The following IP6K2 variants were observed in gnomAD, a reference collection of about 807,000 sequenced individuals.
IP6K2 encodes the protein ATP:1D-myo-inositol-hexakisphosphate phosphotransferase.
IP6K2 carries 9 observed loss-of-function variants against 43.3 expected under a neutral mutation model. The observed-to-expected ratio is 0.21, with a 90% CI of 0.13 to 0.36. The LOEUF (loss-of-function observed/expected upper bound fraction) is 0.36. Among genes scored for constraint, IP6K2 ranks in the 10% least tolerant of loss-of-function variants. The pLI is 1.00. For missense variants in IP6K2, 332 were observed against 538.4 expected (o/e 0.62, Z 3.79); for synonymous variants, 209 against 202.4 (o/e 1.03, Z -0.28).
rs190480244 is a variant in IP6K2, at chr3:48,695,568, C to G, written c.-130-147G>C. The G allele has an allele frequency of 1.1e-5, 12 of 1,099,348 alleles. No individual in the cohort carries two copies. Among genetic ancestry groups the G allele is most frequent in the Admixed American group, 3.8e-5 (1 of 26,280 alleles). 68.1% of individuals were successfully genotyped at this position (1,099,348 alleles called of 1,614,324 possible). A position where few individuals can be genotyped will look rare whatever the true frequency, so the allele number is the denominator to read the frequency against. On this transcript the variant is annotated intron_variant, in intron 1 of 5. Coordinates refer to ENST00000328631, the MANE Select transcript of IP6K2 (RefSeq NM_016291.4). This position sits in a 1 kb window ranked among gnomAD's most constrained non-coding sequence, Gnocchi z 4.6. ...CGCCCATGCCACCCACCTTGGCCCC[C>G]GCCTTCTCCGGCAGAAAAACAAAAA... is the stretch of plus-strand genomic sequence containing the variant.
At chr3:48,693,985 C>CA in intron 2 of IP6K2, 1 of 1,369,862 alleles carries the variant, frequency 7.3e-7, no homozygotes, top group Non-Finnish European at 9.4e-7. Context: ...CCGACGAGCG[C>CA]CTTACAAACG....
chr3:48,694,497 C>T, intron 2 of IP6K2: 1 of 1,545,268 alleles, frequency 6.5e-7, no homozygotes, highest in South Asian at 1.2e-5. Context: ...CAACAAAGAC[C>T]CCACCATGCT....
At chr3:48,716,911 G>A (rs2081258609) in intron 1 of IP6K2, 1 of 152,052 alleles carries the variant, frequency 6.6e-6, no homozygotes, top group Non-Finnish European at 1.5e-5. Context: ...GACCGGGGAG[G>A]ATGCTGGACC....
At chr3:48,690,804 GA>G (rs1185091252) in intron 4 of IP6K2, among the ~76,000 whole-genome samples, 2 of 140,512 alleles carry the variant, frequency 1.4e-5, no homozygotes, top group Non-Finnish European at 3.1e-5. Flanking sequence ...AAAAAAAAAA[GA>G]AAAAAAAGAG....
intron 1 of IP6K2, among the ~76,000 whole-genome samples, chr3:48,696,736 TGA>T (rs2078397351): frequency 6.6e-6 from 1 of 152,218 alleles, no homozygotes; most frequent in African/African-American, 2.4e-5. Flanking sequence ...TGACTCTAAC[TGA>T]GAGAGGAGTG....
chr3:48,707,690 G>A (rs1040228371), intron 1 of IP6K2, among the ~76,000 whole-genome samples: 20 of 152,042 alleles, frequency 1.3e-4, no homozygotes, highest in African/African-American at 4.3e-4. Flanking sequence ...CGCCCCCCTT[G>A]GCCTCCCAAA....
intron 1 of IP6K2, among the ~76,000 whole-genome samples, chr3:48,702,713 G>GTCTGACATAC (rs1350891773): frequency 5.3e-5 from 8 of 152,178 alleles, no homozygotes; most frequent in Non-Finnish European, 1.0e-4. Flanking sequence ...ACTTATCACC[G>GTCTGACATAC]TCTGACATAC....
rs116600147 is a variant in IP6K2, at chr3:48,688,059, T to C, written c.*214A>G. 2.2e-3 allele frequency: 1,307 copies of C among 591,606 alleles called. 13 individuals are homozygous for C. Among genetic ancestry groups the C allele is most frequent in the African/African-American group, 0.022 (1,169 of 53,786 alleles). The allele number at this position is 591,606 out of a possible 1,614,324, so 36.6% of individuals were successfully genotyped here. A position where few individuals can be genotyped will look rare whatever the true frequency, so the allele number is the denominator to read the frequency against. The stretch of plus-strand genomic sequence containing the variant: ...TATACACTCAGGGAAGAAAGAGGTA[T>C]CATCATCAAATGTGGAATGTTGAAG... On this transcript the variant is annotated 3_prime_UTR_variant, in exon 6 of 6. Transcript: ENST00000328631. This position sits in a 1 kb window ranked among gnomAD's most constrained non-coding sequence, Gnocchi z 5.1.
intron 1 of IP6K2, among the ~76,000 whole-genome samples, chr3:48,696,397 T>A (rs1559523780): frequency 6.6e-6 from 1 of 152,166 alleles, no homozygotes; most frequent in South Asian, 2.1e-4. Flanking sequence ...CAAGGCTGGT[T>A]AACTCCATTT....
intron 1 of IP6K2, among the ~76,000 whole-genome samples, chr3:48,701,472 CAGG>C (rs914178696): frequency 2.2e-5 from 3 of 135,068 alleles, no homozygotes; most frequent in African/African-American, 8.4e-5. Flanking sequence ...GAGGCTGAGG[CAGG>C]AGAATCACTT....
chr3:48,703,907 G>A (rs928831720), intron 1 of IP6K2, among the ~76,000 whole-genome samples: 7 of 151,684 alleles, frequency 4.6e-5, no homozygotes, highest in Non-Finnish European at 8.8e-5. Context: ...CCTAGCCAAC[G>A]TGGTGAAACC....
At chr3:48,690,147 C>T (rs1419124409) in intron 4 of IP6K2, among the ~76,000 whole-genome samples, 1 of 152,208 alleles carries the variant, frequency 6.6e-6, no homozygotes, top group Non-Finnish European at 1.5e-5. Flanking sequence ...GTCTGCTTCT[C>T]AGCTGTGTGC....
Position 48,695,318 on chromosome 3 carries a change from G to A in IP6K2, c.-27C>T. 2 of 1,596,148 alleles carry A rather than the reference G, an allele frequency of 1.3e-6. No homozygotes were observed. Among genetic ancestry groups the A allele is most frequent in the African/African-American group, 1.3e-5 (1 of 74,706 alleles). ...CTCCGGGCGCAGATGGCGGGGAGATGGGGGAGGCAGCGGAGTCCAGCGGCC... is the reference window on the plus strand; with the variant it reads ...CTCCGGGCGCAGATGGCGGGGAGATAGGGGAGGCAGCGGAGTCCAGCGGCC... On this transcript the variant is annotated 5_prime_UTR_variant, in exon 2 of 6. Coordinates refer to ENST00000328631, the MANE Select transcript of IP6K2 (RefSeq NM_016291.4). This position sits in a 1 kb window ranked among gnomAD's most constrained non-coding sequence, Gnocchi z 4.6.
chr3:48,692,030 A>C (rs2077844612), intron 3 of IP6K2, among the ~76,000 whole-genome samples: 1 of 151,996 alleles, frequency 6.6e-6, no homozygotes, highest in Non-Finnish European at 1.5e-5. Context: ...ACAGGGTTTC[A>C]TCATATTGGT....
intron 2 of IP6K2, chr3:48,694,775 C>G: frequency 6.5e-7 from 1 of 1,532,030 alleles, no homozygotes; most frequent in Non-Finnish European, 8.7e-7. Flanking sequence ...AAAGTCTTCC[C>G]CCACCGTCCC....
At chr3:48,705,887 A>T (rs960965115) in intron 1 of IP6K2, among the ~76,000 whole-genome samples, 6 of 116,538 alleles carry the variant, frequency 5.1e-5, no homozygotes, top group South Asian at 3.9e-4. Flanking sequence ...AAAAAAATAA[A>T]AAATAATAAA....
rs34837885 is a variant in IP6K2 at position 48,691,803 on chromosome 3, AAAATAAAT to A, written c.429-329_429-322del. On this transcript the variant is annotated intron_variant, in intron 3 of 5. Coordinates refer to ENST00000328631, the MANE Select transcript of IP6K2 (RefSeq NM_016291.4). ...GGGCAACAGAACAAGAAAGACTCAA[AAAATAAAT>A]AAATAAATAAATAAATAAATAAATA... Among the ~76,000 whole-genome samples, 111 of 150,520 alleles carry A rather than the reference AAAATAAAT, an allele frequency of 7.4e-4. No homozygotes were observed. The Middle Eastern group carries it at 0.01, about 14-fold the overall frequency.
At position 48,695,642 on chromosome 3, in the gene IP6K2, G is replaced by C. The variant is rs538418822; in HGVS notation, c.-130-221C>G. ...TTAGATGCAGACAGGCAGGGAATGG[G>C]TTCAGGGGCCCTAAAAAGGCAGAGG... On this transcript the variant is annotated intron_variant, in intron 1 of 5. Transcript: ENST00000328631. This position sits in a 1 kb window ranked among gnomAD's most constrained non-coding sequence, Gnocchi z 4.6. 2.8e-5 allele frequency: 13 copies of C among 467,062 alleles called. No homozygotes were observed. The highest frequency in any genetic ancestry group is 1.1e-4 in the South Asian group (1 of 8,742). 28.9% of individuals were successfully genotyped at this position (467,062 alleles called of 1,614,324 possible).
Position 48,695,454 on chromosome 3 carries a change from C to CTTTTTTAAT in IP6K2, c.-130-34_-130-33insATTAAAAAA. 2 of 1,401,842 alleles carry CTTTTTTAAT rather than the reference C, an allele frequency of 1.4e-6. No homozygotes were observed. The highest frequency in any genetic ancestry group is 3.3e-5 in the South Asian group (2 of 60,888). 86.8% of individuals were successfully genotyped at this position (1,401,842 alleles called of 1,614,324 possible). A position where few individuals can be genotyped will look rare whatever the true frequency, so the allele number is the denominator to read the frequency against. On this transcript the variant is annotated intron_variant, in intron 1 of 5. Transcript: ENST00000328631. The surrounding 1 kb of genome is among the most constrained non-coding windows in gnomAD (Gnocchi z 4.6). ...CAAACAAAATGATGACATGGGGGTTCGAAGTAGCGTGGGAAGTGCCTTAGA... is the reference window on the plus strand; with the variant it reads ...CAAACAAAATGATGACATGGGGGTTCTTTTTTAATGAAGTAGCGTGGGAAGTGCCTTAGA...
Sources: gnomAD v4.1 joint callset for allele counts (sites outside exome capture counted in the v4.1 genomes callset) on GRCh38, gnomAD v4.1.1 for gene constraint, Gnocchi (gnomAD v3.1) non-coding constraint, MANE v1.5 for transcripts, NCBI Gene and HGNC (gene_info 2026-07-23, HGNC 2026-07-21) for gene names.